Variants in CREB3L2 observed in about 807,000 individuals in gnomAD.
CREB3L2 encodes the protein cAMP responsive element binding protein 3 like 2.
Under a neutral mutation model 57.2 loss-of-function variants are expected in CREB3L2, and 23 were observed. That is an observed-to-expected ratio of 0.40 (90% CI 0.29 to 0.57). The LOEUF (loss-of-function observed/expected upper bound fraction) is 0.57, where lower values mean the gene tolerates loss of function less well. Among genes scored for constraint, CREB3L2 ranks in the 20% least tolerant of loss-of-function variants. The pLI, the probability that CREB3L2 is intolerant of heterozygous loss-of-function variation, is 0.42. For missense variants in CREB3L2, 628 were observed against 634.7 expected, an observed-to-expected ratio of 0.99 and a Z score of 0.11; for synonymous variants, 268 against 265.1, an observed-to-expected ratio of 1.01 and a Z score of -0.11.
chr7:137,928,199 C>T lies in CREB3L2; in HGVS notation c.270G>A (p.Arg90=). 6.2e-7 allele frequency: 1 copy of T among 1,601,982 alleles called. No individual in the cohort carries two copies. Among genetic ancestry groups the T allele is most frequent in the Non-Finnish European group, 8.5e-7 (1 of 1,173,458 alleles). ...EHSYSLCEEP[R]AQSPFTHITT... is the part of the protein sequence containing the mutation. The stretch of plus-strand genomic sequence containing the variant: ...TAATGTGGGTGAAGGGCGACTGGGC[C>T]CGAGGCTCCTCGCACAGGGAGTAGC... The change falls in exon 2 of 12, where the codon CGG becomes CGA. Residue 90 remains arginine (R), a synonymous_variant. Transcript: ENST00000330387.
intron 6 of CREB3L2, 49 bp downstream of exon 6, chr7:137,905,653 C>T (rs746937416): frequency 1.4e-5 from 22 of 1,599,450 alleles, no homozygotes; most frequent in East Asian, 4.5e-5. Context: ...GATGCTGACT[C>T]GATTCTGCTC....
At chr7:137,973,447 C>T (rs1755567626) in intron 1 of CREB3L2, among the ~76,000 whole-genome samples, 2 of 152,200 alleles carry the variant, frequency 1.3e-5, no homozygotes, top group Non-Finnish European at 1.5e-5. Context: ...AATGGAGAGG[C>T]ACATGACCCT....
chr7:137,917,861 T>A (rs1800169868), intron 2 of CREB3L2, among the ~76,000 whole-genome samples: 1 of 151,792 alleles, frequency 6.6e-6, no homozygotes, highest in Non-Finnish European at 1.5e-5. Flanking sequence ...GGCTGCTGAG[T>A]GCTATGGTGT....
At chr7:137,938,300 C>T (rs1450378923) in intron 1 of CREB3L2, among the ~76,000 whole-genome samples, 3 of 152,092 alleles carry the variant, frequency 2.0e-5, no homozygotes, top group East Asian at 1.9e-4. Context: ...ACCTTCTGTT[C>T]GATTTTGCTC....
chr7:137,919,042 C>T (rs1800213909), intron 2 of CREB3L2, among the ~76,000 whole-genome samples: 1 of 152,186 alleles, frequency 6.6e-6, no homozygotes, highest in Admixed American at 6.5e-5. Context: ...GGCCTCTCCT[C>T]CCCTGAGCTT....
At chr7:137,994,577 C>A (rs1161038712) in intron 1 of CREB3L2, among the ~76,000 whole-genome samples, 2 of 152,170 alleles carry the variant, frequency 1.3e-5, no homozygotes, top group Non-Finnish European at 2.9e-5. Context: ...CCTTTCCCTG[C>A]ACTTTCAAGA....
chr7:137,910,788 C>T (rs950384360), intron 4 of CREB3L2, among the ~76,000 whole-genome samples: 1 of 152,112 alleles, frequency 6.6e-6, no homozygotes, highest in African/African-American at 2.4e-5. Flanking sequence ...CTTGTCTTTC[C>T]TATCTATTAA....
Position 137,876,546 on chromosome 7 carries a change from A to G in CREB3L2, c.*3930T>C, listed in dbSNP as rs944229002. The G allele has an allele frequency of 8.6e-6, 2 of 233,052 alleles. No individual in the cohort carries two copies. The highest frequency in any genetic ancestry group is 1.7e-5 in the Non-Finnish European group (2 of 118,042). The allele number at this position is 233,052 out of a possible 1,614,324, so 14.4% of individuals were successfully genotyped here. On this transcript the variant is annotated 3_prime_UTR_variant, in exon 12 of 12. Coordinates refer to ENST00000330387, the MANE Select transcript of CREB3L2 (RefSeq NM_194071.4). ...GAATGAGTGAGTGAATGAACGAAAC[A>G]TCTAAGTCTTGTCTCTGGATCCTTC... is the stretch of plus-strand genomic sequence containing the variant.
chr7:137,937,647 A>G (rs1005173080), intron 1 of CREB3L2, among the ~76,000 whole-genome samples: 2 of 152,194 alleles, frequency 1.3e-5, no homozygotes, highest in Non-Finnish European at 2.9e-5. Flanking sequence ...GGCCCATTAC[A>G]TATTTCTTTA....
Position 137,908,264 on chromosome 7 carries a change from G to A in CREB3L2, c.756C>T (p.Leu252=), listed in dbSNP as rs114588625. 22 of 1,258,656 alleles carry A rather than the reference G, an allele frequency of 1.7e-5. No individual in the cohort carries two copies. In the Middle Eastern group the frequency reaches 8.4e-4, roughly 48 times the overall value. The allele number at this position is 1,258,656 out of a possible 1,614,324, so 78.0% of individuals were successfully genotyped here. A position where few individuals can be genotyped will look rare whatever the true frequency, so the allele number is the denominator to read the frequency against. Residue 252 remains leucine, a synonymous_variant, in exon 5 of 12, where the codon CTC becomes CTT. Coordinates refer to ENST00000330387, the MANE Select transcript of CREB3L2 (RefSeq NM_194071.4). The part of the protein sequence containing the change: ...APSALSSSPL[L]TAPHKLQGSG... ...GCTGCATACTTACATGAGGAGCCGT[G>A]AGGAGAGGGGAGCTGGAGAGGGCGG...
chr7:137,996,441 C>G (rs542895261), intron 1 of CREB3L2, among the ~76,000 whole-genome samples: 1 of 152,346 alleles, frequency 6.6e-6, no homozygotes, highest in South Asian at 2.1e-4. Flanking sequence ...ATTTATTCAG[C>G]TTGTGGAGGT....
At chr7:137,984,903 A>T (rs1211017711) in intron 1 of CREB3L2, among the ~76,000 whole-genome samples, 1 of 152,250 alleles carries the variant, frequency 6.6e-6, no homozygotes, top group Non-Finnish European at 1.5e-5. Flanking sequence ...CCCAGTAGAG[A>T]AGAGCCATCA....
chr7:137,960,805 A>AT (rs1338965683), intron 1 of CREB3L2, among the ~76,000 whole-genome samples: 1 of 81,964 alleles, frequency 1.2e-5, no homozygotes, highest in African/African-American at 5.3e-5. Context: ...AAACTAAATT[A>AT]TTTCTTTTTT....
At chr7:137,908,768 G>A (rs1296542265) in intron 4 of CREB3L2, among the ~76,000 whole-genome samples, 7 of 152,142 alleles carry the variant, frequency 4.6e-5, no homozygotes, top group African/African-American at 1.7e-4. Flanking sequence ...GAGGTCAGGA[G>A]TTTGTGACCA....
intron 8 of CREB3L2, among the ~76,000 whole-genome samples, chr7:137,896,668 G>C (rs1799634231): frequency 6.6e-6 from 1 of 152,174 alleles, no homozygotes; most frequent in East Asian, 1.9e-4. Flanking sequence ...TGAATCCATT[G>C]CCAGCCATTA....
At chr7:137,916,628 G>A (rs1800138250) in intron 2 of CREB3L2, among the ~76,000 whole-genome samples, 1 of 151,990 alleles carries the variant, frequency 6.6e-6, no homozygotes, top group Non-Finnish European at 1.5e-5. Context: ...TGAGGCAGGA[G>A]GATTGCTTAA....
chr7:137,883,929 C>G (rs1799352071), intron 10 of CREB3L2, among the ~76,000 whole-genome samples: 1 of 152,166 alleles, frequency 6.6e-6, no homozygotes, highest in South Asian at 2.1e-4. Context: ...GTGAGAACAC[C>G]ATACGCTTCT....
chr7:137,894,341 C>T (rs964499871), intron 8 of CREB3L2, among the ~76,000 whole-genome samples: 2 of 152,192 alleles, frequency 1.3e-5, no homozygotes, highest in Admixed American at 1.3e-4. Context: ...GCTGCTCACT[C>T]TGTCTACTGA....
intron 1 of CREB3L2, among the ~76,000 whole-genome samples, chr7:137,982,380 A>C (rs1801725835): frequency 6.6e-6 from 1 of 152,046 alleles, no homozygotes; most frequent in South Asian, 2.1e-4. Context: ...CCCCAGTGCT[A>C]TGGGGTTGAA....
Sources: gnomAD v4.1 joint callset for allele counts (sites outside exome capture counted in the v4.1 genomes callset) on GRCh38, gnomAD v4.1.1 for gene constraint, MANE v1.5 for transcripts, NCBI Gene and HGNC (gene_info 2026-07-23, HGNC 2026-07-21) for gene names.